The following STAB2 variants were observed in gnomAD, a reference collection of about 807,000 sequenced individuals.
STAB2 encodes stabilin 2.
In STAB2, 288 loss-of-function variants were observed where a neutral mutation model predicts 338.1. That is an observed-to-expected ratio of 0.85 (90% CI 0.77 to 0.94). STAB2 has a LOEUF of 0.94. Ranked by LOEUF, STAB2 falls within the 40% of genes least tolerant of loss-of-function variation. The probability of loss-of-function intolerance (pLI) is 0.00; values close to 1 mark genes in which losing one functional copy is unlikely to be tolerated. For missense variants in STAB2, 3,141 were observed against 3,210.1 expected (o/e 0.98, Z 0.52); for synonymous variants, 1,202 against 1,193.3 (o/e 1.01, Z -0.15).
At chr12:103,716,515 G>T (rs531234841) in intron 43 of STAB2, among the ~76,000 whole-genome samples, 1 of 152,208 alleles carries the variant, frequency 6.6e-6, no homozygotes, top group Non-Finnish European at 1.5e-5. Context: ...AAAATTGGAT[G>T]ACAAAGTGAA....
At chr12:103,700,145 A>C (rs931315489) in intron 34 of STAB2, among the ~76,000 whole-genome samples, 9 of 152,246 alleles carry the variant, frequency 5.9e-5, no homozygotes, top group African/African-American at 2.2e-4. Context: ...AATTCATAGA[A>C]AAGAATTCAT....
Position 103,742,495 on chromosome 12 carries a change from G to A in STAB2, c.5972G>A (p.Gly1991Asp). 1 of 1,614,130 alleles carries A rather than the reference G, an allele frequency of 6.2e-7. No individual in the cohort carries two copies. Among genetic ancestry groups the A allele is most frequent in the Non-Finnish European group, 8.5e-7 (1 of 1,180,038 alleles). The change falls in exon 56 of 69, where the codon GGC (glycine) becomes GAC (aspartate). Residue 1991 changes from glycine to aspartate, a missense_variant. Coordinates refer to ENST00000388887, the MANE Select transcript of STAB2 (RefSeq NM_017564.10). ...SATGECKCNT[G>D]FNGTACEMCW... Reference sequence around the variant, plus strand: ...ACCGGAGAGTGTAAATGCAACACCGGCTTCAATGGGACGGCGTGTGAGATG... The same window carrying A: ...ACCGGAGAGTGTAAATGCAACACCGACTTCAATGGGACGGCGTGTGAGATG...
At position 103,681,027 on chromosome 12, in the gene STAB2, G is replaced by A. The variant is rs565523694; in HGVS notation, c.2806-2178G>A. ...GGCGACAGACAAACCTATGTATAACGCTAAAGTGATAAATGTTGTAAAAGC... is the reference window on the plus strand; with the variant it reads ...GGCGACAGACAAACCTATGTATAACACTAAAGTGATAAATGTTGTAAAAGC... On this transcript the variant is annotated intron_variant, in intron 25 of 68. Transcript: ENST00000388887. Among the ~76,000 whole-genome samples, 5 of 152,306 alleles carry A rather than the reference G, an allele frequency of 3.3e-5. No homozygotes were observed. In the South Asian group the frequency reaches 6.2e-4, roughly 19 times the overall value.
rs1306418676 is a variant in STAB2 at position 103,762,417 on chromosome 12, T to C, written c.7488+15T>C. 6.2e-6 allele frequency: 10 copies of C among 1,613,900 alleles called. No individual in the cohort carries two copies. In the African/African-American group the frequency reaches 1.2e-4, roughly 19 times the overall value. Reference sequence around the variant, plus strand: ...AGCATTTTGAGGTAAGAGAGAAAAATGGGAACATGATGATGGGGTCCTCTC... The same window carrying C: ...AGCATTTTGAGGTAAGAGAGAAAAACGGGAACATGATGATGGGGTCCTCTC... On this transcript the variant is annotated intron_variant, in intron 67 of 68. Coordinates refer to ENST00000388887, the MANE Select transcript of STAB2 (RefSeq NM_017564.10).
intron 68 of STAB2, chr12:103,765,911 C>T (rs549029842): frequency 1.7e-5 from 6 of 358,582 alleles, no homozygotes; most frequent in African/African-American, 8.5e-5. Flanking sequence ...ATTTTCAAAC[C>T]GAAAGGAGTT....
At chr12:103,604,015 T>C (rs1042707167) in intron 3 of STAB2, among the ~76,000 whole-genome samples, 14 of 152,192 alleles carry the variant, frequency 9.2e-5, no homozygotes, top group Non-Finnish European at 1.8e-4. Context: ...CCCTAATTGT[T>C]CATTGCTAGT....
chr12:103,667,570 C>CT (rs752091913), intron 19 of STAB2, among the ~76,000 whole-genome samples: 3 of 152,192 alleles, frequency 2.0e-5, no homozygotes, highest in East Asian at 1.9e-4. Context: ...AAATTAGACA[C>CT]ATGGGTAGGA....
Position 103,753,160 on chromosome 12 carries a change from G to T in STAB2, c.6581-60G>T. ...TTTTGAAAGTCCTTCAGAGTCCATT[G>T]TTGGAAACACTGCCAACCTGGTGGG... On this transcript the variant is annotated intron_variant, in intron 60 of 68. Transcript: ENST00000388887. 4 of 1,600,398 alleles carry T rather than the reference G, an allele frequency of 2.5e-6. No individual in the cohort carries two copies. The South Asian group carries it at 3.4e-5, about 13-fold the overall frequency.
intron 3 of STAB2, among the ~76,000 whole-genome samples, chr12:103,607,525 A>T (rs1446202030): frequency 2.6e-5 from 4 of 151,824 alleles, no homozygotes; most frequent in East Asian, 3.9e-4. Context: ...TCCTAATGCT[A>T]TCCCTCCCTC....
rs1884360334 is a variant in STAB2, at chr12:103,759,214, C to T, written c.7189C>T (p.Leu2397=). The T allele has an allele frequency of 6.2e-7, 1 of 1,614,190 alleles. No individual in the cohort carries two copies. Among genetic ancestry groups the T allele is most frequent in the Non-Finnish European group, 8.5e-7 (1 of 1,180,034 alleles). ...FYNDLVNGTT[L]QTRLGSKLLI... ...CAATGACCTTGTCAATGGCACCACC[C>T]TGCAAACGAGGCTGGGAAGCAAGCT... The change falls in exon 65 of 69, where the codon CTG becomes TTG. Residue 2397 remains leucine, a synonymous_variant. Transcript: ENST00000388887.
chr12:103,714,687 CA>C (rs11304361), intron 42 of STAB2, among the ~76,000 whole-genome samples: 18,226 of 115,658 alleles, frequency 0.16, 2,185 homozygotes, highest in African/African-American at 0.37. Context: ...ACTCCATTTC[CA>C]AAAAAAAAAA....
At chr12:103,672,258 C>T (rs1875871634) in intron 22 of STAB2, among the ~76,000 whole-genome samples, 1 of 152,182 alleles carries the variant, frequency 6.6e-6, no homozygotes, top group South Asian at 2.1e-4. Context: ...GGCTACTGAA[C>T]CCTTTCCAAT....
At chr12:103,660,634 C>T (rs1380100882) in intron 16 of STAB2, 49 bp from the exon 17 acceptor site, 5 of 1,592,854 alleles carry the variant, frequency 3.1e-6, no homozygotes, top group Non-Finnish European at 4.3e-6. Flanking sequence ...ACTCAGGGCC[C>T]TGCGTGTGGT....
At chr12:103,737,557 T>C (rs1373459487) in intron 52 of STAB2, 77 bp from the exon 53 acceptor site, 7 of 1,465,032 alleles carry the variant, frequency 4.8e-6, no homozygotes, top group Non-Finnish European at 6.4e-6. Flanking sequence ...AAGAGATGTG[T>C]GAAAGAGATT....
chr12:103,596,307 C>T (rs981559338), intron 3 of STAB2, among the ~76,000 whole-genome samples: 4 of 152,172 alleles, frequency 2.6e-5, no homozygotes, highest in Admixed American at 6.5e-5. Flanking sequence ...AGACAAGGAA[C>T]GGCTTTGTCA....
intron 31 of STAB2, among the ~76,000 whole-genome samples, chr12:103,694,356 C>T (rs1878219533): frequency 6.6e-6 from 1 of 152,168 alleles, no homozygotes; most frequent in African/African-American, 2.4e-5. Flanking sequence ...CAAATCCCGT[C>T]TAATCACCTT....
intron 17 of STAB2, 55 bp from the exon 18 acceptor site, chr12:103,662,791 G>A (rs1308628990): frequency 1.9e-6 from 3 of 1,575,030 alleles, no homozygotes; most frequent in Admixed American, 3.5e-5. Flanking sequence ...AGGATCACTG[G>A]CAGTCCTGCA....
chr12:103,699,851 G>T (rs1326949678), intron 34 of STAB2, among the ~76,000 whole-genome samples: 1 of 152,192 alleles, frequency 6.6e-6, no homozygotes, highest in Admixed American at 6.5e-5. Context: ...AATCTCTGCA[G>T]TCATAGGCGT....
chr12:103,676,659 C>T (rs914729974), intron 24 of STAB2, among the ~76,000 whole-genome samples: 1 of 152,074 alleles, frequency 6.6e-6, no homozygotes, highest in African/African-American at 2.4e-5. Context: ...AGGGGTGTAT[C>T]CAGAACCTAC....
Sources: gnomAD v4.1 joint callset for allele counts (sites outside exome capture counted in the v4.1 genomes callset) on GRCh38, gnomAD v4.1.1 for gene constraint, MANE v1.5 for transcripts, NCBI Gene and HGNC (gene_info 2026-07-23, HGNC 2026-07-21) for gene names.